The following TTBK2 variants were observed in gnomAD, a reference collection of about 807,000 sequenced individuals.
The protein encoded by TTBK2 is tau-tubulin kinase 2.
Under a neutral mutation model 110.8 loss-of-function variants are expected in TTBK2, and 28 were observed. The ratio of observed to expected loss-of-function variants is 0.25; its 90% CI spans 0.19 to 0.35. TTBK2 has a LOEUF of 0.35. Ranked by LOEUF, TTBK2 falls within the 10% of genes least tolerant of loss-of-function variation. The probability of loss-of-function intolerance (pLI) is 1.00; values close to 1 mark genes in which losing one functional copy is unlikely to be tolerated. For missense variants in TTBK2, 1,369 were observed against 1,500.3 expected (o/e 0.91, Z 1.45); for synonymous variants, 532 against 527.3 (o/e 1.01, Z -0.12).
intron 4 of TTBK2, among the ~76,000 whole-genome samples, chr15:42,840,118 G>T (rs1359873648): frequency 1.3e-5 from 2 of 152,078 alleles, no homozygotes; most frequent in Non-Finnish European, 2.9e-5. Context: ...ATCCATGCAG[G>T]GATCGAAAAC....
In TTBK2 at chr15:42,745,606, A is replaced by G; in HGVS notation, c.*189T>C. 2.8e-6 allele frequency: 2 copies of G among 709,526 alleles called. No homozygotes were observed. Among genetic ancestry groups the G allele is most frequent in the Non-Finnish European group, 4.8e-6 (2 of 414,688 alleles). 44.0% of individuals were successfully genotyped at this position (709,526 alleles called of 1,614,324 possible). On this transcript the variant is annotated 3_prime_UTR_variant, in exon 15 of 15. Transcript: ENST00000267890. ...TTCTTGTACAAAGACATTGATTCCT[A>G]ATCTACTTGCTGCCTGCCTTAGGTA... is the stretch of plus-strand genomic sequence containing the variant.
chr15:42,763,192 A>ATAT (rs1889180506), intron 13 of TTBK2, among the ~76,000 whole-genome samples: 1 of 13,386 alleles, frequency 7.5e-5, no homozygotes, highest in Non-Finnish European at 1.2e-4. Flanking sequence ...ATATATATAT[A>ATAT]TTTTTTTTTT....
rs138131545 is a variant in TTBK2, at chr15:42,790,670, C to T, written c.980+3974G>A. On this transcript the variant is annotated intron_variant, in intron 10 of 14. Transcript: ENST00000267890. ...TCTAATGCTTATCTTTGGACATAAA[C>T]CTTTTTAAATGCTCTTAGTTCTCTG... 3.7e-3 allele frequency among the ~76,000 whole-genome samples: 561 copies of T among 151,196 alleles called. 2 individuals carry two copies. Among genetic ancestry groups the T allele is most frequent in the African/African-American group, 0.013 (536 of 40,876 alleles).
intron 7 of TTBK2, among the ~76,000 whole-genome samples, chr15:42,812,945 C>A (rs2140931820): frequency 6.6e-6 from 1 of 150,376 alleles, no homozygotes; most frequent in East Asian, 2.0e-4. Context: ...CACAGAGACA[C>A]AAAGAATTAG....
At chr15:42,905,321 T>TGG (rs1472701709) in intron 1 of TTBK2, among the ~76,000 whole-genome samples, 2 of 152,210 alleles carry the variant, frequency 1.3e-5, no homozygotes, top group African/African-American at 2.4e-5. Flanking sequence ...TCACCCAAGC[T>TGG]GGAATACTGT....
chr15:42,803,952 G>A (rs533925642), intron 9 of TTBK2, among the ~76,000 whole-genome samples: 3 of 149,018 alleles, frequency 2.0e-5, no homozygotes, highest in East Asian at 2.0e-4. Context: ...GCTTTAACCC[G>A]GGAGGTGGAG....
intron 12 of TTBK2, among the ~76,000 whole-genome samples, chr15:42,776,127 G>A (rs1355562955): frequency 6.6e-6 from 1 of 152,196 alleles, no homozygotes; most frequent in Non-Finnish European, 1.5e-5. Flanking sequence ...TACCATGTGA[G>A]GAAGAACACA....
chr15:42,856,292 A>G (rs1283430875), intron 3 of TTBK2, among the ~76,000 whole-genome samples: 1 of 152,186 alleles, frequency 6.6e-6, no homozygotes, highest in Non-Finnish European at 1.5e-5. Flanking sequence ...ATGGAAGAAC[A>G]CATTAAAAGA....
At chr15:42,805,291 A>C (rs547019486) in intron 9 of TTBK2, among the ~76,000 whole-genome samples, 1 of 152,296 alleles carries the variant, frequency 6.6e-6, no homozygotes, top group East Asian at 1.9e-4. Flanking sequence ...CCTGGCTCTT[A>C]AGGAGCTTAT....
chr15:42,864,853 T>G (rs1167917342), intron 3 of TTBK2, among the ~76,000 whole-genome samples: 1 of 152,042 alleles, frequency 6.6e-6, no homozygotes, highest in East Asian at 1.9e-4. Context: ...ATCTAAGAGA[T>G]AACAGTTTGC....
chr15:42,761,312 A>G (rs1479031818), intron 13 of TTBK2, among the ~76,000 whole-genome samples: 2 of 152,212 alleles, frequency 1.3e-5, no homozygotes, highest in Non-Finnish European at 2.9e-5. Flanking sequence ...CACAGGCAAC[A>G]AAAAAATAAA....
intron 3 of TTBK2, among the ~76,000 whole-genome samples, chr15:42,849,058 A>G (rs776234702): frequency 2.0e-5 from 3 of 152,002 alleles, no homozygotes; most frequent in Non-Finnish European, 4.4e-5. Flanking sequence ...ATTTCTTTAT[A>G]TATCTTTGCT....
intron 10 of TTBK2, among the ~76,000 whole-genome samples, chr15:42,793,430 T>G (rs1890787265): frequency 2.0e-5 from 3 of 152,148 alleles, no homozygotes; most frequent in African/African-American, 7.2e-5. Flanking sequence ...ATGTCTGTAG[T>G]CCAGAGAGGC....
At chr15:42,751,061 G>C (rs1340787844) in intron 14 of TTBK2, among the ~76,000 whole-genome samples, 1 of 152,208 alleles carries the variant, frequency 6.6e-6, no homozygotes, top group Non-Finnish European at 1.5e-5. Flanking sequence ...GACCTGTCTT[G>C]CAAGAAATGC....
Position 42,752,660 on chromosome 15 carries a change from A to T in TTBK2, c.2586T>A (p.His862Gln). 6.2e-7 allele frequency: 1 copy of T among 1,614,056 alleles called. No homozygotes were observed. Among genetic ancestry groups the T allele is most frequent in the Non-Finnish European group, 8.5e-7 (1 of 1,180,014 alleles). Reference sequence around the variant, plus strand: ...CCACTTGGCCTATCTGACCTTCAACATGTGGGTCAATGTCTCTGGAAGAAA... The same window carrying T: ...CCACTTGGCCTATCTGACCTTCAACTTGTGGGTCAATGTCTCTGGAAGAAA... ...SEISSRDIDP[H>Q]VEGQIGQVAE... The change falls in exon 14 of 15, where the codon CAT (histidine) becomes CAA (glutamine). Residue 862 changes from histidine to glutamine, a missense_variant. Physicochemically the swap from His to Gln is conservative, Grantham distance 24 (BLOSUM62 0). Coordinates refer to ENST00000267890, the MANE Select transcript of TTBK2 (RefSeq NM_173500.4).
chr15:42,830,416 G>C (rs1379608941), intron 4 of TTBK2, among the ~76,000 whole-genome samples: 3 of 151,918 alleles, frequency 2.0e-5, no homozygotes, highest in Non-Finnish European at 4.4e-5. Context: ...TCGAACTCCT[G>C]ACCTCAGGTG....
intron 1 of TTBK2, among the ~76,000 whole-genome samples, chr15:42,910,474 A>G (rs1419493100): frequency 6.6e-6 from 1 of 152,204 alleles, no homozygotes; most frequent in East Asian, 1.9e-4. Flanking sequence ...ACTAAATGAA[A>G]TATCTTTCAC....
intron 1 of TTBK2, among the ~76,000 whole-genome samples, chr15:42,887,622 T>A (rs1895295520): frequency 6.6e-6 from 1 of 152,148 alleles, no homozygotes; most frequent in Non-Finnish European, 1.5e-5. Context: ...CTGCGCCTTA[T>A]CAACCAAATT....
At chr15:42,778,874 C>T (rs1376680939) in intron 11 of TTBK2, among the ~76,000 whole-genome samples, 1 of 151,686 alleles carries the variant, frequency 6.6e-6, no homozygotes, top group Admixed American at 6.6e-5. Flanking sequence ...TATTTTTATA[C>T]AAAAATATGA....
Sources: gnomAD v4.1 joint callset for allele counts (sites outside exome capture counted in the v4.1 genomes callset) on GRCh38, gnomAD v4.1.1 for gene constraint, MANE v1.5 for transcripts, NCBI Gene and HGNC (gene_info 2026-07-23, HGNC 2026-07-21) for gene names.